Variants in PCDHA12 observed in about 807,000 individuals in gnomAD.
PCDHA12 encodes the protein protocadherin alpha-12.
Under a neutral mutation model 60.0 loss-of-function variants are expected in PCDHA12, and 44 were observed. The observed-to-expected ratio is 0.73, with a 90% CI of 0.58 to 0.94. The LOEUF is 0.94. Among genes scored for constraint, PCDHA12 ranks in the 40% least tolerant of loss-of-function variants. PCDHA12 has a pLI of 0.00. For synonymous variants in PCDHA12, 569 were observed against 553.0 expected, an observed-to-expected ratio of 1.03 and a Z score of -0.40; for missense variants, 1,276 against 1,239.7, an observed-to-expected ratio of 1.03 and a Z score of -0.44.
In PCDHA12 at chr5:141,010,527, G is replaced by T; in HGVS notation, c.*590G>T. On this transcript the variant is annotated 3_prime_UTR_variant, in exon 4 of 4. Transcript: ENST00000398631. ...AAATCTTACAACTCAAGAGGTGGCA[G>T]CCACCCTCTAGGAGACAAAACTACC... The T allele has an allele frequency of 2.3e-6, 1 of 431,062 alleles. No homozygotes were observed. Among genetic ancestry groups the T allele is most frequent in the African/African-American group, 2.0e-5 (1 of 49,970 alleles). 26.7% of individuals were successfully genotyped at this position (431,062 alleles called of 1,614,324 possible).
chr5:140,985,430 A>T lies in PCDHA12; in HGVS notation c.2515+2867A>T, dbSNP rs1158797076. ...GGAAATGGAGTGAGGAGGATTTATT[A>T]GTTGCTGCCTGAAGAAAAGGGAAAT... On this transcript the variant is annotated intron_variant, in intron 3 of 3. Transcript: ENST00000398631. Among the ~76,000 whole-genome samples the T allele has an allele frequency of 2.6e-5, 4 of 152,186 alleles. 1 individual carries two copies. Among genetic ancestry groups the T allele is most frequent in the Non-Finnish European group, 5.9e-5 (4 of 68,036 alleles).
chr5:140,946,277 A>G (rs1055326524), intron 1 of PCDHA12, among the ~76,000 whole-genome samples: 5 of 152,186 alleles, frequency 3.3e-5, no homozygotes, highest in Admixed American at 1.3e-4. Context: ...TAAAACCCCA[A>G]TGAGATATCA....
In PCDHA12 at chr5:140,876,678, G is replaced by C. The variant is rs782561315; in HGVS notation, c.1206G>C (p.Lys402Asn). ...HVPFKLVSTY[K>N]NYYSLVLDSA... ...CCTTCAAGCTGGTGTCCACCTACAA[G>C]AATTACTACTCGTTGGTGCTGGACA... Residue 402 changes from lysine (K) to asparagine (N), a missense_variant, in exon 1 of 4, where the codon AAG becomes AAC. Lys to Asn is a moderately conservative substitution (Grantham distance 94). Coordinates refer to ENST00000398631, the MANE Select transcript of PCDHA12 (RefSeq NM_018903.4). The C allele has an allele frequency of 1.9e-6, 3 of 1,614,100 alleles. No individual in the cohort carries two copies. In the East Asian group the frequency reaches 6.7e-5, roughly 36 times the overall value.
At chr5:140,954,968 G>T (rs531304394) in intron 1 of PCDHA12, among the ~76,000 whole-genome samples, 4 of 152,200 alleles carry the variant, frequency 2.6e-5, no homozygotes, top group African/African-American at 9.6e-5. Context: ...TAAGGAAAGG[G>T]TCCAGTTTCA....
intron 1 of PCDHA12, among the ~76,000 whole-genome samples, chr5:140,952,125 A>G (rs1027710629): frequency 6.6e-6 from 1 of 152,092 alleles, no homozygotes; most frequent in African/African-American, 2.4e-5. Context: ...TGGGCTCCCA[A>G]GGCCTTGGGA....
chr5:140,982,331 G>A lies in PCDHA12; in HGVS notation c.2427-144G>A, dbSNP rs1422921231. On this transcript the variant is annotated intron_variant, in intron 2 of 3. Coordinates refer to ENST00000398631, the MANE Select transcript of PCDHA12 (RefSeq NM_018903.4). ...GCAGTTTATGCAGGGTGACTGCTCA[G>A]CAGTAATTGCTTCAGTTCAAGCATG... The A allele has an allele frequency of 6.3e-6, 9 of 1,431,750 alleles. No individual in the cohort carries two copies. In the Admixed American group the frequency reaches 1.6e-4, roughly 26 times the overall value. 88.7% of individuals were successfully genotyped at this position (1,431,750 alleles called of 1,614,324 possible).
At chr5:140,888,198 G>A (rs1031899783) in intron 1 of PCDHA12, among the ~76,000 whole-genome samples, 2 of 152,044 alleles carry the variant, frequency 1.3e-5, no homozygotes, top group Admixed American at 6.6e-5. Flanking sequence ...TTACATTGTC[G>A]GATGCTGGAT....
At chr5:140,886,871 T>C (rs1045804511) in intron 1 of PCDHA12, among the ~76,000 whole-genome samples, 1 of 151,744 alleles carries the variant, frequency 6.6e-6, no homozygotes, top group Non-Finnish European at 1.5e-5. Flanking sequence ...AACTCCTATA[T>C]TGAACATTCA....
rs373515339 is a variant in PCDHA12 at position 140,875,761 on chromosome 5, G to A, written c.289G>A (p.Gly97Arg). 1.9e-6 allele frequency: 3 copies of A among 1,614,236 alleles called. No individual in the cohort carries two copies. The highest frequency in any genetic ancestry group is 2.2e-5 in the East Asian group (1 of 44,880). The change falls in exon 1 of 4, where the codon GGG (glycine) becomes AGG (arginine). Residue 97 changes from glycine to arginine, a missense_variant. Transcript: ENST00000398631. Reference sequence around the variant, plus strand: ...TCGGATCGACCGCGAGAAGCTGTGCGGGCGGAGCGCGGAGTGCAGTATCCA... The same window carrying A: ...TCGGATCGACCGCGAGAAGCTGTGCAGGCGGAGCGCGGAGTGCAGTATCCA... ...NSRIDREKLC[G>R]RSAECSIHLE...
Position 140,877,760 on chromosome 5 carries a change from G to T in PCDHA12, c.2288G>T (p.Ser763Ile). Residue 763 changes from serine (S) to isoleucine (I), a missense_variant, in exon 1 of 4, where the codon AGC (serine) becomes ATC (isoleucine). By Grantham distance (142) the Ser-to-Ile change is moderately radical. Transcript: ENST00000398631. ...QRRQRVCSAESPPKTDLMAFS... is the reference protein window; with the variant it reads ...QRRQRVCSAEIPPKTDLMAFS... ...AGGCAGAGGGTGTGCTCTGCAGAGA[G>T]CCCGCCCAAGACGGACCTCATGGCC... The T allele has an allele frequency of 6.2e-7, 1 of 1,614,194 alleles. No homozygotes were observed. Among genetic ancestry groups the T allele is most frequent in the Non-Finnish European group, 8.5e-7 (1 of 1,180,032 alleles).
Position 140,966,357 on chromosome 5 carries a change from T to A in PCDHA12, c.2368-12592T>A, listed in dbSNP as rs3756326. ...AGGTCCAGGGTGAAGGAGATGGGGCTGGAGAGGCTGAGCAGTCCGGGTTCG... is the reference window on the plus strand; with the variant it reads ...AGGTCCAGGGTGAAGGAGATGGGGCAGGAGAGGCTGAGCAGTCCGGGTTCG... On this transcript the variant is annotated intron_variant, in intron 1 of 3. Coordinates refer to ENST00000398631, the MANE Select transcript of PCDHA12 (RefSeq NM_018903.4). The A allele has an allele frequency of 3.3e-4, 131 of 400,654 alleles. 3 individuals are homozygous for A. Among genetic ancestry groups the A allele is most frequent in the East Asian group, 2.0e-3 (56 of 27,900 alleles). The allele number at this position is 400,654 out of a possible 1,614,324, so 24.8% of individuals were successfully genotyped here.
chr5:140,980,432 C>A (rs1228010505), intron 2 of PCDHA12, among the ~76,000 whole-genome samples: 1 of 152,118 alleles, frequency 6.6e-6, no homozygotes, highest in East Asian at 1.9e-4. Context: ...GAGATCGAGA[C>A]CATCCTGGAC....
At chr5:140,966,927 C>A in intron 1 of PCDHA12, 1 of 1,603,516 alleles carries the variant, frequency 6.2e-7, no homozygotes, top group Non-Finnish European at 8.5e-7. Context: ...GAGCAGGCAC[C>A]CGGCGCGCTC....
intron 1 of PCDHA12, among the ~76,000 whole-genome samples, chr5:140,977,932 C>T (rs2096781582): frequency 6.6e-6 from 1 of 151,944 alleles, no homozygotes; most frequent in Non-Finnish European, 1.5e-5. Flanking sequence ...TCAACTATAC[C>T]TCAATATTCA....
rs1272799738 is a variant in PCDHA12 at position 140,969,033 on chromosome 5, T to C, written c.2368-9916T>C. On this transcript the variant is annotated intron_variant, in intron 1 of 3. Coordinates refer to ENST00000398631, the MANE Select transcript of PCDHA12 (RefSeq NM_018903.4). ...GTAAGGGAAAGGTCCCCTGCAGAAC[T>C]GTACAAACAAGCCAACAACAATATT... 5 of 1,614,028 alleles carry C rather than the reference T, an allele frequency of 3.1e-6. No individual in the cohort carries two copies. Among genetic ancestry groups the C allele is most frequent in the Admixed American group, 3.3e-5 (2 of 60,006 alleles).
chr5:140,979,514 C>G lies in PCDHA12; in HGVS notation c.2426+507C>G, dbSNP rs75440413. On this transcript the variant is annotated intron_variant, in intron 2 of 3. Transcript: ENST00000398631. Reference sequence around the variant, plus strand: ...ATTAGAGCCTCCTCATCTTTCCCATCTGTTGCTATCTTATTGTCATCAATG... The same window carrying G: ...ATTAGAGCCTCCTCATCTTTCCCATGTGTTGCTATCTTATTGTCATCAATG... 4.7e-4 allele frequency among the ~76,000 whole-genome samples: 71 copies of G among 152,274 alleles called. 1 individual carries two copies. In the East Asian group the frequency reaches 0.014, roughly 29 times the overall value.
rs77488964 is a variant in PCDHA12, at chr5:140,929,006, C to T, written c.2368-49943C>T. The T allele has an allele frequency of 3.2e-3, 5,179 of 1,614,048 alleles. 25 individuals carry two copies. Among genetic ancestry groups the T allele is most frequent in the African/African-American group, 0.019 (1,447 of 75,028 alleles). ...GGGTGCTTACTTTTCTTCGTGTGTA[C>T]CAAGTTGCACCAGAGCCCAGGCTGT... is the stretch of plus-strand genomic sequence containing the variant. On this transcript the variant is annotated intron_variant, in intron 1 of 3. Coordinates refer to ENST00000398631, the MANE Select transcript of PCDHA12 (RefSeq NM_018903.4).
chr5:140,972,294 C>T (rs944183626), intron 1 of PCDHA12, among the ~76,000 whole-genome samples: 14 of 151,458 alleles, frequency 9.2e-5, no homozygotes, highest in South Asian at 2.1e-4. Context: ...TGTGCGCCAC[C>T]GTGTCTGACT....
intron 3 of PCDHA12, among the ~76,000 whole-genome samples, chr5:141,008,739 C>A (rs1554261919): frequency 1.3e-5 from 2 of 152,166 alleles, no homozygotes; most frequent in Non-Finnish European, 2.9e-5. Context: ...AGACTGTGAG[C>A]ACACTGAGGG....
Sources: gnomAD v4.1 joint callset for allele counts (sites outside exome capture counted in the v4.1 genomes callset) on GRCh38, gnomAD v4.1.1 for gene constraint, MANE v1.5 for transcripts, NCBI Gene and HGNC (gene_info 2026-07-23, HGNC 2026-07-21) for gene names.